Variants in HELQ observed in about 807,000 individuals in gnomAD.
The protein encoded by HELQ is helicase, POLQ like.
Under a neutral mutation model 111.6 loss-of-function variants are expected in HELQ, and 77 were observed. The ratio of observed to expected loss-of-function variants is 0.69; its 90% CI spans 0.57 to 0.83. The LOEUF is 0.83. Among genes scored for constraint, HELQ ranks in the 40% least tolerant of loss-of-function variants. HELQ has a pLI of 0.00. For missense variants in HELQ, 1,200 were observed against 1,288.5 expected (o/e 0.93, Z 1.05); for synonymous variants, 438 against 454.7 (o/e 0.96, Z 0.47).
chr4:83,418,346 T>A, intron 15 of HELQ, 140 bp from the exon 16 acceptor site: 1 of 469,670 alleles, frequency 2.1e-6, no homozygotes, highest in Non-Finnish European at 3.8e-6. Context: ...AAGATGATTC[T>A]AAGCAAAACA....
chr4:83,452,257 A>G (rs1157001767), intron 2 of HELQ, among the ~76,000 whole-genome samples: 1 of 151,568 alleles, frequency 6.6e-6, no homozygotes, highest in Non-Finnish European at 1.5e-5. Flanking sequence ...TTTTTTTGCA[A>G]TTTTTTTTCT....
intron 6 of HELQ, among the ~76,000 whole-genome samples, chr4:83,442,304 G>A (rs1321421875): frequency 8.9e-6 from 1 of 112,774 alleles, no homozygotes; most frequent in Non-Finnish European, 1.6e-5. Flanking sequence ...GTCTCACTCT[G>A]TAGTCCAGGC....
intron 17 of HELQ, among the ~76,000 whole-genome samples, chr4:83,412,387 C>T (rs564801733): frequency 4.6e-5 from 7 of 152,288 alleles, no homozygotes; most frequent in Middle Eastern, 3.4e-3. Context: ...TCTTCATCCA[C>T]GGTTCCTGGC....
At chr4:83,436,061 G>A (rs1288343916) in intron 9 of HELQ, among the ~76,000 whole-genome samples, 1 of 151,676 alleles carries the variant, frequency 6.6e-6, no homozygotes, top group African/African-American at 2.4e-5. Context: ...GGTATAATTC[G>A]GCAATAAGAT....
Position 83,421,592 on chromosome 4 carries a change from A to T in HELQ, c.2920T>A (p.Phe974Ile). 6.2e-7 allele frequency: 1 copy of T among 1,613,416 alleles called. No homozygotes were observed. The highest frequency in any genetic ancestry group is 1.7e-4 in the Middle Eastern group (1 of 6,058). Residue 974 changes from phenylalanine (F) to isoleucine (I), a missense_variant, in exon 15 of 18, where the codon TTC becomes ATC. By Grantham distance (21) the Phe-to-Ile change is conservative (BLOSUM62 0). Coordinates refer to ENST00000295488, the MANE Select transcript of HELQ (RefSeq NM_133636.5). The part of the protein sequence containing the change: ...IQNLLTGTAS[F>I]SSCVLHFCEE... ...CAGAAATGTAACACACAAGATGAGAATGAGGCAGTTCCAGTGAGAAGATTT... is the reference window on the plus strand; with the variant it reads ...CAGAAATGTAACACACAAGATGAGATTGAGGCAGTTCCAGTGAGAAGATTT...
chr4:83,444,284 T>C (rs1371716778), intron 5 of HELQ, among the ~76,000 whole-genome samples: 1 of 152,206 alleles, frequency 6.6e-6, no homozygotes, highest in Admixed American at 6.5e-5. Context: ...TAGACAGATG[T>C]AGAGGTAGTA....
In HELQ at chr4:83,427,612, T is replaced by A. The variant is rs113520876; in HGVS notation, c.2627A>T (p.Tyr876Phe). Residue 876 changes from tyrosine to phenylalanine, a missense_variant, in exon 13 of 18, where the codon TAT becomes TTT. Tyr to Phe is a conservative substitution (Grantham distance 22). Coordinates refer to ENST00000295488, the MANE Select transcript of HELQ (RefSeq NM_133636.5). ...AGGGTTACACTGTGAAACCAGATCATAGGGGGTTGTTAGGTAGATTAGATG... is the reference window on the plus strand; with the variant it reads ...AGGGTTACACTGTGAAACCAGATCAAAGGGGGTTGTTAGGTAGATTAGATG... ...LLHLIYLTTP[Y>F]DLVSQCNPDW... 3,405 of 1,604,092 alleles carry A rather than the reference T, an allele frequency of 2.1e-3. 55 individuals carry two copies. In the African/African-American group the frequency reaches 0.041, roughly 19 times the overall value.
chr4:83,449,323 T>C (rs183922402), intron 2 of HELQ, among the ~76,000 whole-genome samples: 1 of 152,354 alleles, frequency 6.6e-6, no homozygotes, highest in Admixed American at 6.5e-5. Context: ...CTTCCTCTTA[T>C]GTTCTGCAAG....
chr4:83,449,071 A>C (rs1721210823), intron 2 of HELQ, 110 bp from the exon 3 acceptor site: 1 of 784,706 alleles, frequency 1.3e-6, no homozygotes, highest in East Asian at 2.7e-5. Context: ...TCCTCTCATA[A>C]GGATAAATTT....
At chr4:83,455,220 T>G (rs1578112955) in intron 1 of HELQ, 177 bp downstream of exon 1, 8 of 1,328,920 alleles carry the variant, frequency 6.0e-6, no homozygotes, top group Non-Finnish European at 2.0e-6. Context: ...TGTCTCGGGG[T>G]TTACATTTCA....
At chr4:83,432,902 A>C (rs564757755) in intron 9 of HELQ, among the ~76,000 whole-genome samples, 3 of 151,196 alleles carry the variant, frequency 2.0e-5, no homozygotes, top group Non-Finnish European at 4.4e-5. Flanking sequence ...CAACAACAAC[A>C]ACAAAAAACT....
chr4:83,410,388 A>G (rs1739022406), intron 17 of HELQ, among the ~76,000 whole-genome samples: 1 of 152,248 alleles, frequency 6.6e-6, no homozygotes, highest in African/African-American at 2.4e-5. Flanking sequence ...TTAACACATT[A>G]TTTTAATTAT....
At chr4:83,427,856 A>C in intron 12 of HELQ, 136 bp from the exon 13 acceptor site, 1 of 542,888 alleles carries the variant, frequency 1.8e-6, no homozygotes, top group East Asian at 3.3e-5. Flanking sequence ...CTATATAACT[A>C]TTTTGGAGGT....
At chr4:83,415,147 G>A (rs1257950487) in intron 17 of HELQ, among the ~76,000 whole-genome samples, 3 of 152,188 alleles carry the variant, frequency 2.0e-5, no homozygotes, top group Non-Finnish European at 1.5e-5. Flanking sequence ...GATCAAGAAG[G>A]AAACAATCTC....
At chr4:83,421,498 T>A in intron 15 of HELQ, 65 bp downstream of exon 15, 2 of 1,214,138 alleles carry the variant, frequency 1.6e-6, no homozygotes, top group Non-Finnish European at 2.4e-6. Context: ...AACTGGCTTA[T>A]TAGTTTAGTA....
intron 2 of HELQ, among the ~76,000 whole-genome samples, chr4:83,451,482 G>A (rs1025666704): frequency 2.6e-5 from 4 of 151,558 alleles, no homozygotes; most frequent in Non-Finnish European, 5.9e-5. Flanking sequence ...CTAACACGGT[G>A]AAACCTTGTC....
chr4:83,448,409 C>A (rs1186918588), intron 3 of HELQ, among the ~76,000 whole-genome samples: 1 of 152,060 alleles, frequency 6.6e-6, no homozygotes, highest in Non-Finnish European at 1.5e-5. Context: ...GTGGCTCATG[C>A]CTGTAATACC....
rs1354825973 is a variant in HELQ, at chr4:83,455,513, C to CCGG, written c.178_180dup (p.Pro60dup). 1.2e-6 allele frequency: 2 copies of CCGG among 1,614,032 alleles called. No homozygotes were observed. Among genetic ancestry groups the CCGG allele is most frequent in the Non-Finnish European group, 1.7e-6 (2 of 1,180,038 alleles). On this transcript the variant is annotated inframe_insertion, in exon 1 of 18. Transcript: ENST00000295488. ...GAGAGTAGAAGGGGCTGTACCTCAA[C>CCGG]CGGCAGTACGCCCGCGGTTTTCCGC... is the stretch of plus-strand genomic sequence containing the variant.
intron 15 of HELQ, 48 bp downstream of exon 15, chr4:83,421,515 A>G: frequency 6.9e-7 from 1 of 1,454,178 alleles, no homozygotes; most frequent in Non-Finnish European, 9.5e-7. Flanking sequence ...AGTAACAGTT[A>G]AAACCAGAAG....
Sources: gnomAD v4.1 joint callset for allele counts (sites outside exome capture counted in the v4.1 genomes callset) on GRCh38, gnomAD v4.1.1 for gene constraint, MANE v1.5 for transcripts, NCBI Gene and HGNC (gene_info 2026-07-23, HGNC 2026-07-21) for gene names.